KHDRBS2: variants seen among roughly 807,000 people sequenced by gnomAD.
The protein encoded by KHDRBS2 is KH RNA binding domain containing, signal transduction associated 2, also known as KH domain-containing, RNA-binding, signal transduction-associated protein 2.
KHDRBS2 carries 26 observed loss-of-function variants against 44.3 expected under a neutral mutation model. The observed-to-expected ratio is 0.59, with a 90% CI of 0.43 to 0.81. The LOEUF is 0.81. KHDRBS2 is among the 40% of genes least tolerant of loss of function. The pLI is 0.00. For synonymous variants in KHDRBS2, 194 were observed against 151.1 expected (o/e 1.28, Z -2.08); for missense variants, 476 against 433.1 (o/e 1.10, Z -0.88).
the KHDRBS2 span, among the ~76,000 whole-genome samples, chr6:61,550,538 G>T: frequency 2.0e-5 from 3 of 151,834 alleles, no homozygotes; most frequent in Admixed American, 6.6e-5. Flanking sequence ...GATTTATTTT[G>T]CTGAGGTTGG....
chr6:61,733,521 G>T (rs1434597515), intron 6 of KHDRBS2, among the ~76,000 whole-genome samples: 2 of 151,904 alleles, frequency 1.3e-5, no homozygotes, highest in Non-Finnish European at 2.9e-5. Context: ...ACTTGAACCT[G>T]GGAGGCAGAG....
intron 6 of KHDRBS2, chr6:61,816,555 T>G: frequency 2.4e-6 from 1 of 423,648 alleles, no homozygotes; most frequent in East Asian, 7.3e-5. Context: ...GCTGACATAT[T>G]GGACTTCTAG....
At chr6:61,842,758 T>A (rs475351) in intron 6 of KHDRBS2, among the ~76,000 whole-genome samples, 87,240 of 151,884 alleles carry the variant, frequency 0.57, 25,216 homozygotes, top group South Asian at 0.68. Context: ...CCACACAAAA[T>A]CTTGTACACA....
chr6:61,610,843 T>C, the KHDRBS2 span, among the ~76,000 whole-genome samples: 1 of 152,220 alleles, frequency 6.6e-6, no homozygotes, highest in Non-Finnish European at 1.5e-5. Context: ...AAATAATTTG[T>C]GAACACATTT....
intron 1 of KHDRBS2, among the ~76,000 whole-genome samples, chr6:62,238,165 C>A (rs572857989): frequency 6.6e-6 from 1 of 152,122 alleles, no homozygotes; most frequent in South Asian, 2.1e-4. Flanking sequence ...AATTTATACA[C>A]CCACATGGTC....
intron 4 of KHDRBS2, among the ~76,000 whole-genome samples, chr6:61,920,115 C>T (rs1414687462): frequency 6.6e-6 from 1 of 151,780 alleles, no homozygotes; most frequent in African/African-American, 2.4e-5. Context: ...TTGTGTCATG[C>T]CAATTTTCAG....
chr6:62,242,330 C>G (rs1834809098), intron 1 of KHDRBS2, among the ~76,000 whole-genome samples: 1 of 152,144 alleles, frequency 6.6e-6, no homozygotes, highest in South Asian at 2.1e-4. Flanking sequence ...TTTTCTTCCA[C>G]TTACTGAAAA....
intron 1 of KHDRBS2, among the ~76,000 whole-genome samples, chr6:62,281,458 A>G (rs996142452): frequency 7.9e-5 from 12 of 151,940 alleles, no homozygotes; most frequent in Non-Finnish European, 1.8e-4. Flanking sequence ...AGTCTCTACT[A>G]AAAATACAAA....
At chr6:62,215,367 T>C (rs1279926467) in intron 1 of KHDRBS2, among the ~76,000 whole-genome samples, 3 of 151,674 alleles carry the variant, frequency 2.0e-5, no homozygotes, top group African/African-American at 7.3e-5. Flanking sequence ...AGTAGCTTAC[T>C]GTAGACGGAA....
the KHDRBS2 span, among the ~76,000 whole-genome samples, chr6:61,572,518 C>A: frequency 7.1e-4 from 108 of 151,366 alleles, no homozygotes; most frequent in Non-Finnish European, 1.2e-3. Flanking sequence ...AACAAACAAA[C>A]AAAAAAAACT....
At chr6:62,177,594 C>A (rs1226555234) in intron 1 of KHDRBS2, among the ~76,000 whole-genome samples, 1 of 151,356 alleles carries the variant, frequency 6.6e-6, no homozygotes. Flanking sequence ...TTTTTAATAT[C>A]TTCAAACACA....
intron 2 of KHDRBS2, among the ~76,000 whole-genome samples, chr6:62,064,043 G>C (rs1792830335): frequency 7.0e-6 from 1 of 143,018 alleles, no homozygotes; most frequent in African/African-American, 2.6e-5. Flanking sequence ...GCTTCAAAGA[G>C]AATAAAATAC....
chr6:61,945,897 C>T (rs1226663005), intron 4 of KHDRBS2, among the ~76,000 whole-genome samples: 2 of 152,050 alleles, frequency 1.3e-5, no homozygotes, highest in East Asian at 3.9e-4. Context: ...TAAAATTGCA[C>T]ACAAAATGCC....
At chr6:61,952,895 T>C (rs1237459404) in intron 4 of KHDRBS2, among the ~76,000 whole-genome samples, 1 of 152,064 alleles carries the variant, frequency 6.6e-6, no homozygotes, top group African/African-American at 2.4e-5. Flanking sequence ...GTATATTCTA[T>C]TGTCTTCTCC....
intron 6 of KHDRBS2, 53 bp from the exon 7 acceptor site, chr6:61,732,817 T>C: frequency 1.0e-6 from 1 of 968,146 alleles, no homozygotes; most frequent in African/African-American, 1.6e-5. Context: ...TTAACTTTGA[T>C]CTGTTTTCAG....
rs1247356931 is a variant in KHDRBS2, at chr6:62,218,796, A to T, written c.92-41484T>A. Among the ~76,000 whole-genome samples the T allele has an allele frequency of 3.9e-5, 6 of 151,908 alleles. 1 individual carries two copies. The highest frequency in any genetic ancestry group is 8.8e-5 in the Non-Finnish European group (6 of 67,834). Reference sequence around the variant, plus strand: ...GTATCCATCAACAGATAACTGGATAAAGAAAATGAAGTATATATCCACAAT... The same window carrying T: ...GTATCCATCAACAGATAACTGGATATAGAAAATGAAGTATATATCCACAAT... On this transcript the variant is annotated intron_variant, in intron 1 of 8. Coordinates refer to ENST00000281156, the MANE Select transcript of KHDRBS2 (RefSeq NM_152688.4).
intron 4 of KHDRBS2, among the ~76,000 whole-genome samples, chr6:61,910,566 C>A (rs1583463824): frequency 6.6e-6 from 1 of 152,028 alleles, no homozygotes; most frequent in African/African-American, 2.4e-5. Context: ...TAAGATAGTA[C>A]CAATACAGAC....
intron 2 of KHDRBS2, among the ~76,000 whole-genome samples, chr6:62,073,986 C>T (rs1341212005): frequency 6.6e-6 from 1 of 151,736 alleles, no homozygotes; most frequent in African/African-American, 2.4e-5. Flanking sequence ...ACTTTTTCTA[C>T]GGAAACATAT....
intron 3 of KHDRBS2, among the ~76,000 whole-genome samples, chr6:62,039,255 A>AACACACAC (rs142933011): frequency 0.14 from 20,220 of 145,696 alleles, 1,708 homozygotes; most frequent in Non-Finnish European, 0.18. Flanking sequence ...TACACAGGCA[A>AACACACAC]ACACACACAC....
Sources: gnomAD v4.1 joint callset for allele counts (sites outside exome capture counted in the v4.1 genomes callset) on GRCh38, gnomAD v4.1.1 for gene constraint, MANE v1.5 for transcripts, NCBI Gene and HGNC (gene_info 2026-07-23, HGNC 2026-07-21) for gene names.